The following SMCHD1 variants were observed in gnomAD, a reference collection of about 807,000 sequenced individuals.
SMCHD1 encodes structural maintenance of chromosomes flexible hinge domain-containing protein 1.
In SMCHD1, 78 loss-of-function variants were observed where a neutral mutation model predicts 254.7. That is an observed-to-expected ratio of 0.31 (90% CI 0.26 to 0.37). The LOEUF is 0.37. Ranked by LOEUF, SMCHD1 falls within the 10% of genes least tolerant of loss-of-function variation. The probability of loss-of-function intolerance (pLI) is 1.00; values close to 1 mark genes in which losing one functional copy is unlikely to be tolerated. For missense variants in SMCHD1, 1,840 were observed against 2,408.1 expected (o/e 0.76, Z 4.94); for synonymous variants, 766 against 794.9 (o/e 0.96, Z 0.61).
Position 2,738,411 on chromosome 18 carries a change from T to G in SMCHD1, c.3291T>G (p.Pro1097=). Residue 1097 remains proline (P), a synonymous_variant, in exon 26 of 48, where the codon CCT becomes CCG. Coordinates refer to ENST00000320876, the MANE Select transcript of SMCHD1 (RefSeq NM_015295.3). ...TTTTCTCCTAGGTTAATTGGACTCCTGAGATTAACAAAGAACACTTGCTAC... is the reference window on the plus strand; with the variant it reads ...TTTTCTCCTAGGTTAATTGGACTCCGGAGATTAACAAAGAACACTTGCTAC... ...LAEKIKVNWT[P]EINKEHLLQG... 3 of 1,602,126 alleles carry G rather than the reference T, an allele frequency of 1.9e-6. No individual in the cohort carries two copies. Among genetic ancestry groups the G allele is most frequent in the Non-Finnish European group, 2.6e-6 (3 of 1,173,716 alleles).
At chr18:2,686,703 G>T (rs117006412) in intron 5 of SMCHD1, among the ~76,000 whole-genome samples, 2,719 of 152,038 alleles carry the variant, frequency 0.018, 40 homozygotes, top group Middle Eastern at 0.099. Flanking sequence ...ATTTTGTGTC[G>T]ACAGTTTGTG....
intron 7 of SMCHD1, among the ~76,000 whole-genome samples, chr18:2,693,877 C>T (rs777360383): frequency 1.3e-5 from 2 of 152,062 alleles, no homozygotes; most frequent in African/African-American, 4.8e-5. Context: ...GTGATCTGCC[C>T]GCCTCAACCT....
intron 47 of SMCHD1, among the ~76,000 whole-genome samples, chr18:2,797,690 C>T (rs895801057): frequency 2.0e-5 from 3 of 152,106 alleles, no homozygotes; most frequent in African/African-American, 7.2e-5. Context: ...TTTGGGAGGC[C>T]GAGGCAGGTG....
Position 2,726,484 on chromosome 18 carries a change from A to G in SMCHD1, c.2733A>G (p.Leu911=). 6.6e-7 allele frequency: 1 copy of G among 1,507,566 alleles called. No individual in the cohort carries two copies. The highest frequency in any genetic ancestry group is 8.9e-7 in the Non-Finnish European group (1 of 1,117,446). The allele number at this position is 1,507,566 out of a possible 1,614,324, so 93.4% of individuals were successfully genotyped here. The change falls in exon 22 of 48, where the codon TTA becomes TTG. Residue 911 remains leucine (L), a synonymous_variant. Coordinates refer to ENST00000320876, the MANE Select transcript of SMCHD1 (RefSeq NM_015295.3). The part of the protein sequence containing the change: ...NYNLKVTLPG[L]KEDSQILKIR... ...ATCTGAAGGTTACTCTGCCTGGCTTAAAAGAAGACTCACAGATTTTGAAAA... is the reference window on the plus strand; with the variant it reads ...ATCTGAAGGTTACTCTGCCTGGCTTGAAAGAAGACTCACAGATTTTGAAAA...
intron 34 of SMCHD1, among the ~76,000 whole-genome samples, chr18:2,757,617 A>T (rs1006489872): frequency 6.6e-5 from 10 of 152,042 alleles, no homozygotes; most frequent in Non-Finnish European, 1.3e-4. Flanking sequence ...GTATGATTTC[A>T]GTCCTTTGAA....
chr18:2,788,480 T>G (rs1334987581), intron 45 of SMCHD1, among the ~76,000 whole-genome samples: 1 of 152,246 alleles, frequency 6.6e-6, no homozygotes, highest in Non-Finnish European at 1.5e-5. Flanking sequence ...AATTCTGGGT[T>G]ATATAATTGG....
chr18:2,656,103 G>T lies in SMCHD1; in HGVS notation c.28G>T (p.Gly10Cys). ...GGCAGCGGCGGACGGCGGCGGGCCT[G>T]GTGGGGCCTCTGTGGGGACTGAGGA... is the stretch of plus-strand genomic sequence containing the variant. MAAADGGGP[G>C]GASVGTEEDG... Residue 10 changes from glycine (G) to cysteine (C), a missense_variant, in exon 1 of 48, where the codon GGT becomes TGT. By Grantham distance (159) the Gly-to-Cys change is radical. Around this residue, in one of 9 missense-constraint regions of SMCHD1, gnomAD observed 115 missense variants for 99.1 expected, o/e 1.16. Coordinates refer to ENST00000320876, the MANE Select transcript of SMCHD1 (RefSeq NM_015295.3). 7.0e-7 allele frequency: 1 copy of T among 1,427,714 alleles called. No individual in the cohort carries two copies. The highest frequency in any genetic ancestry group is 9.2e-7 in the Non-Finnish European group (1 of 1,089,454). The allele number at this position is 1,427,714 out of a possible 1,614,324, so 88.4% of individuals were successfully genotyped here.
At chr18:2,678,451 G>A (rs1293032674) in intron 5 of SMCHD1, among the ~76,000 whole-genome samples, 5 of 151,588 alleles carry the variant, frequency 3.3e-5, no homozygotes, top group African/African-American at 1.2e-4. Flanking sequence ...GCACATGCTG[G>A]GATTACAGGC....
At chr18:2,743,989 T>C (rs1274438268) in intron 29 of SMCHD1, 61 bp downstream of exon 29, 1 of 1,348,832 alleles carries the variant, frequency 7.4e-7, no homozygotes, top group Non-Finnish European at 1.0e-6. Context: ...TACTTTCAGA[T>C]TGTCAGTGAA....
Position 2,750,400 on chromosome 18 carries a change from A to G in SMCHD1, c.4058A>G (p.Glu1353Gly). ...VKAIYNKSIIEGPIIKLMILP... is the reference protein window; with the variant it reads ...VKAIYNKSIIGGPIIKLMILP... ...GCCATCTATAACAAAAGTATCATAG[A>G]AGGACCTATAATTAAGTTAATGATT... The change falls in exon 32 of 48, where the codon GAA becomes GGA. Residue 1353 changes from glutamate to glycine, a missense_variant. By Grantham distance (98) the Glu-to-Gly change is moderately conservative. Coordinates refer to ENST00000320876, the MANE Select transcript of SMCHD1 (RefSeq NM_015295.3). The G allele has an allele frequency of 6.2e-7, 1 of 1,612,736 alleles. No individual in the cohort carries two copies. The highest frequency in any genetic ancestry group is 8.5e-7 in the Non-Finnish European group (1 of 1,179,084).
chr18:2,673,390 T>C (rs759966209), intron 4 of SMCHD1, 27 bp downstream of exon 4: 6 of 1,409,194 alleles, frequency 4.3e-6, no homozygotes, highest in South Asian at 1.6e-5. Flanking sequence ...GTAAAGCAAT[T>C]TAACTTTTCC....
At chr18:2,714,242 T>A (rs1485826580) in intron 17 of SMCHD1, among the ~76,000 whole-genome samples, 2 of 152,168 alleles carry the variant, frequency 1.3e-5, no homozygotes, top group African/African-American at 4.8e-5. Flanking sequence ...CATTATATAA[T>A]TTTTTTAACT....
At chr18:2,725,270 A>T (rs673364) in intron 21 of SMCHD1, among the ~76,000 whole-genome samples, 1 of 148,664 alleles carries the variant, frequency 6.7e-6, no homozygotes, top group East Asian at 1.9e-4. Flanking sequence ...ATTCAAAGCC[A>T]TTTTTTCGAC....
intron 34 of SMCHD1, among the ~76,000 whole-genome samples, chr18:2,758,129 T>C (rs1314041188): frequency 5.3e-5 from 8 of 152,150 alleles, no homozygotes; most frequent in Non-Finnish European, 1.2e-4. Context: ...CTGATAATCT[T>C]TGTCTTCTCA....
chr18:2,740,398 G>T (rs1250736601), intron 27 of SMCHD1, among the ~76,000 whole-genome samples: 1 of 151,846 alleles, frequency 6.6e-6, no homozygotes, highest in Admixed American at 6.6e-5. Flanking sequence ...TGTATGAATG[G>T]ATTCCTATGT....
intron 17 of SMCHD1, among the ~76,000 whole-genome samples, chr18:2,711,996 A>C (rs2074687743): frequency 6.6e-6 from 1 of 152,162 alleles, no homozygotes; most frequent in South Asian, 2.1e-4. Context: ...TTCCACCATG[A>C]GTGGAAGCAG....
At chr18:2,658,824 A>G (rs148483649) in intron 1 of SMCHD1, among the ~76,000 whole-genome samples, 14 of 151,360 alleles carry the variant, frequency 9.2e-5, no homozygotes, top group East Asian at 7.7e-4. Context: ...ATACATATAT[A>G]TGTGTGTGTG....
At chr18:2,716,734 G>A (rs539970018) in intron 17 of SMCHD1, among the ~76,000 whole-genome samples, 1 of 152,342 alleles carries the variant, frequency 6.6e-6, no homozygotes, top group African/African-American at 2.4e-5. Flanking sequence ...CCACAACCTG[G>A]CAGGTGATAG....
At chr18:2,764,977 T>A (rs2075843031) in intron 37 of SMCHD1, among the ~76,000 whole-genome samples, 1 of 152,222 alleles carries the variant, frequency 6.6e-6, no homozygotes, top group Non-Finnish European at 1.5e-5. Flanking sequence ...CTGCCAGAAG[T>A]ATATGTCTAT....
Sources: gnomAD v4.1 joint callset for allele counts (sites outside exome capture counted in the v4.1 genomes callset) on GRCh38, gnomAD v4.1.1 for gene constraint, gnomAD v4.1.1 regional missense constraint, MANE v1.5 for transcripts, NCBI Gene and HGNC (gene_info 2026-07-23, HGNC 2026-07-21) for gene names.